Variants in FRMD6 observed in about 807,000 individuals in gnomAD.
The protein encoded by FRMD6 is FERM domain containing 6.
Under a neutral mutation model 73.2 loss-of-function variants are expected in FRMD6, and 37 were observed. That is an observed-to-expected ratio of 0.51 (90% CI 0.39 to 0.66). The LOEUF (loss-of-function observed/expected upper bound fraction) is 0.66, where lower values mean the gene tolerates loss of function less well. Ranked by LOEUF, FRMD6 falls within the 30% of genes least tolerant of loss-of-function variation. The pLI is 0.00. For synonymous variants in FRMD6, 273 were observed against 282.2 expected, an observed-to-expected ratio of 0.97 and a Z score of 0.33; for missense variants, 714 against 780.5, an observed-to-expected ratio of 0.91 and a Z score of 1.02.
chr14:51,412,004 A>C, the FRMD6 span, among the ~76,000 whole-genome samples: 2,576 of 152,296 alleles, frequency 0.017, 48 homozygotes, highest in African/African-American at 0.046. Flanking sequence ...TTCTTAATCT[A>C]TCAGGATCTA....
At chr14:51,538,182 A>C (rs923504169) in intron 1 of FRMD6, among the ~76,000 whole-genome samples, 3 of 152,118 alleles carry the variant, frequency 2.0e-5, no homozygotes, top group African/African-American at 7.2e-5. Context: ...AATTTTTGTG[A>C]AAGGTACAAA....
intron 4 of FRMD6, 51 bp from the exon 5 acceptor site, chr14:51,702,461 T>G (rs1348799660): frequency 6.6e-7 from 1 of 1,513,314 alleles, no homozygotes; most frequent in Non-Finnish European, 9.1e-7. Flanking sequence ...TGAAACCCAT[T>G]TTCAAAGTAA....
chr14:51,565,560 G>A (rs1287321992), intron 1 of FRMD6: 2 of 152,306 alleles, frequency 1.3e-5, no homozygotes, highest in African/African-American at 2.4e-5. Context: ...TTTTTGATGG[G>A]GGTGATGGTG....
At chr14:51,478,519 A>G in the FRMD6 span, among the ~76,000 whole-genome samples, 1 of 152,350 alleles carries the variant, frequency 6.6e-6, no homozygotes, top group African/African-American at 2.4e-5. Context: ...AAATTTTGAA[A>G]TAAAATGTTT....
chr14:51,430,792 T>C, the FRMD6 span, among the ~76,000 whole-genome samples: 1 of 152,198 alleles, frequency 6.6e-6, no homozygotes, highest in Non-Finnish European at 1.5e-5. Flanking sequence ...TTACCATTTG[T>C]ATTCAAGGGA....
the FRMD6 span, among the ~76,000 whole-genome samples, chr14:51,477,681 C>CATAATGAGCTAG: frequency 6.6e-6 from 1 of 151,846 alleles, no homozygotes; most frequent in Non-Finnish European, 1.5e-5. Flanking sequence ...TCATGTTCTC[C>CATAATGAGCTAG]ATAATGAGCT....
intron 1 of FRMD6, among the ~76,000 whole-genome samples, chr14:51,537,687 T>C (rs1885974408): frequency 6.6e-6 from 1 of 152,204 alleles, no homozygotes; most frequent in Admixed American, 6.5e-5. Flanking sequence ...GTGTTTTGGA[T>C]TTTGGCCATT....
chr14:51,623,803 G>T (rs1346425059), intron 2 of FRMD6, among the ~76,000 whole-genome samples: 1 of 152,148 alleles, frequency 6.6e-6, no homozygotes, highest in Non-Finnish European at 1.5e-5. Context: ...GTTTACTATA[G>T]TTGTAGTAGA....
chr14:51,437,592 G>A, the FRMD6 span, among the ~76,000 whole-genome samples: 1 of 152,174 alleles, frequency 6.6e-6, no homozygotes. Context: ...GTGAGCCACC[G>A]CTCCCGGCCC....
intron 1 of FRMD6, among the ~76,000 whole-genome samples, chr14:51,652,805 G>T (rs1274238445): frequency 6.6e-6 from 1 of 152,200 alleles, no homozygotes; most frequent in Non-Finnish European, 1.5e-5. Flanking sequence ...GGACAGCTGC[G>T]GTCCACCCGT....
At chr14:51,532,586 C>T (rs1406753695) in intron 1 of FRMD6, among the ~76,000 whole-genome samples, 2 of 152,078 alleles carry the variant, frequency 1.3e-5, no homozygotes, top group Non-Finnish European at 2.9e-5. Flanking sequence ...AGCCAATTTT[C>T]CACCCAGGTG....
chr14:51,433,407 C>A, the FRMD6 span, among the ~76,000 whole-genome samples: 1,402 of 152,114 alleles, frequency 9.2e-3, 23 homozygotes, highest in African/African-American at 0.032. Flanking sequence ...GTGATTTTCC[C>A]GGACATACTT....
At chr14:51,718,935 T>C (rs1897384302) in intron 10 of FRMD6, among the ~76,000 whole-genome samples, 1 of 152,214 alleles carries the variant, frequency 6.6e-6, no homozygotes, top group African/African-American at 2.4e-5. Flanking sequence ...GGCATGCAAG[T>C]ATTTTCACTT....
intron 1 of FRMD6, among the ~76,000 whole-genome samples, chr14:51,669,695 A>T (rs1013854957): frequency 1.3e-5 from 2 of 152,034 alleles, no homozygotes; most frequent in Non-Finnish European, 2.9e-5. Flanking sequence ...TAAGAGTTGC[A>T]TTGTTCTTGA....
intron 2 of FRMD6, among the ~76,000 whole-genome samples, chr14:51,609,586 A>G (rs1890404289): frequency 6.6e-6 from 1 of 152,218 alleles, no homozygotes; most frequent in Admixed American, 6.5e-5. Flanking sequence ...CATTCCTGGC[A>G]GAGAGAAAGG....
intron 11 of FRMD6, 191 bp downstream of exon 11, chr14:51,720,581 G>A: frequency 1.7e-6 from 1 of 595,078 alleles, no homozygotes; most frequent in Non-Finnish European, 3.0e-6. Context: ...CCCTCTAGTT[G>A]TGATCCTTTG....
At chr14:51,445,380 G>A in the FRMD6 span, among the ~76,000 whole-genome samples, 141 of 152,124 alleles carry the variant, frequency 9.3e-4, 1 homozygote, top group African/African-American at 3.3e-3. Context: ...GAGGAGTCTC[G>A]GTTTTTCCTC....
At chr14:51,426,890 C>A in the FRMD6 span, among the ~76,000 whole-genome samples, 2 of 152,144 alleles carry the variant, frequency 1.3e-5, no homozygotes, top group Non-Finnish European at 2.9e-5. Context: ...TATTGTTTCA[C>A]CCCACTGCAT....
At chr14:51,512,633 G>A (rs1884379438) in intron 1 of FRMD6, among the ~76,000 whole-genome samples, 2 of 150,888 alleles carry the variant, frequency 1.3e-5, no homozygotes, top group South Asian at 4.2e-4. Flanking sequence ...TTTTTTGTGG[G>A]GGATGGATAA....
Sources: allele counts gnomAD v4.1 joint callset (sites outside exome capture counted in the v4.1 genomes callset), GRCh38; gene constraint gnomAD v4.1.1; transcripts MANE v1.5; gene names NCBI Gene and HGNC (gene_info 2026-07-23, HGNC 2026-07-21).